Variants in OSBP2 observed in about 807,000 individuals in gnomAD.
OSBP2 encodes the protein oxysterol-binding protein 2.
Under a neutral mutation model 96.0 loss-of-function variants are expected in OSBP2, and 66 were observed. That is an observed-to-expected ratio of 0.69 (90% confidence interval 0.56 to 0.84). The LOEUF (loss-of-function observed/expected upper bound fraction) is 0.84, where lower values mean the gene tolerates loss of function less well. Ranked by LOEUF, OSBP2 falls within the 40% of genes least tolerant of loss-of-function variation. OSBP2 has a pLI of 0.00. For missense variants in OSBP2, 1,038 were observed against 1,222.7 expected, an observed-to-expected ratio of 0.85 and a Z score of 2.25; for synonymous variants, 525 against 520.9, an observed-to-expected ratio of 1.01 and a Z score of -0.11.
At chr22:30,766,482 C>G (rs567793750) in intron 2 of OSBP2, among the ~76,000 whole-genome samples, 2 of 152,334 alleles carry the variant, frequency 1.3e-5, no homozygotes, top group South Asian at 2.1e-4. Flanking sequence ...CGTCTTGCCT[C>G]TGTGCTCTTG....
chr22:30,810,512 G>C (rs1487132140), intron 2 of OSBP2, among the ~76,000 whole-genome samples: 1 of 152,090 alleles, frequency 6.6e-6, no homozygotes, highest in Non-Finnish European at 1.5e-5. Flanking sequence ...GCCTCTCCTG[G>C]GCAGCCACAG....
At chr22:30,816,167 C>T (rs1315942921) in intron 2 of OSBP2, among the ~76,000 whole-genome samples, 1 of 151,878 alleles carries the variant, frequency 6.6e-6, no homozygotes, top group Non-Finnish European at 1.5e-5. Context: ...TATAAGGATA[C>T]GCCAAGGCTG....
chr22:30,885,991 AGGGGGCAGCT>A (rs2039801411), intron 3 of OSBP2, among the ~76,000 whole-genome samples: 1 of 152,240 alleles, frequency 6.6e-6, no homozygotes, highest in Non-Finnish European at 1.5e-5. Flanking sequence ...ATCCCAGCAG[AGGGGGCAGCT>A]AGATGGCCCC....
intron 1 of OSBP2, among the ~76,000 whole-genome samples, chr22:30,733,258 G>A (rs557085888): frequency 7.2e-5 from 11 of 152,298 alleles, no homozygotes; most frequent in South Asian, 2.1e-4. Context: ...AAAGCAAGGG[G>A]AGGATGCAAA....
chr22:30,902,197 A>T, intron 12 of OSBP2: 1 of 1,092,438 alleles, frequency 9.2e-7, no homozygotes, highest in Non-Finnish European at 1.3e-6. Context: ...TCCCGTAGCC[A>T]GAAGGAGTCG....
At chr22:30,782,494 T>G (rs992352289) in intron 2 of OSBP2, among the ~76,000 whole-genome samples, 1 of 152,216 alleles carries the variant, frequency 6.6e-6, no homozygotes, top group African/African-American at 2.4e-5. Context: ...GGCTGCATTT[T>G]CTAGGATTTC....
chr22:30,802,612 G>A (rs1436388685), intron 2 of OSBP2, among the ~76,000 whole-genome samples: 2 of 152,244 alleles, frequency 1.3e-5, no homozygotes, highest in Non-Finnish European at 2.9e-5. Flanking sequence ...TCCGCTGCCC[G>A]CCTGCGTCCC....
chr22:30,845,873 T>A (rs1184956461), intron 2 of OSBP2, among the ~76,000 whole-genome samples: 1 of 109,716 alleles, frequency 9.1e-6, no homozygotes, highest in Non-Finnish European at 1.7e-5. Flanking sequence ...AGAGTGAGAC[T>A]CTCTCAAAAA....
At chr22:30,805,916 A>G (rs2090922656) in intron 2 of OSBP2, among the ~76,000 whole-genome samples, 1 of 152,224 alleles carries the variant, frequency 6.6e-6, no homozygotes, top group Admixed American at 6.5e-5. Flanking sequence ...GTTTTGTGGC[A>G]AGGGAGGTTT....
chr22:30,828,253 C>T (rs902604157), intron 2 of OSBP2, among the ~76,000 whole-genome samples: 4 of 152,232 alleles, frequency 2.6e-5, no homozygotes, highest in East Asian at 1.9e-4. Context: ...TTGTCTTTTC[C>T]GTTAGGCAGA....
intron 2 of OSBP2, among the ~76,000 whole-genome samples, chr22:30,774,432 G>A (rs955749803): frequency 2.0e-5 from 3 of 152,198 alleles, no homozygotes; most frequent in African/African-American, 7.2e-5. Flanking sequence ...TAAGTGCCCA[G>A]GCCTCAAGCT....
intron 2 of OSBP2, among the ~76,000 whole-genome samples, chr22:30,855,132 C>G (rs2039055255): frequency 6.6e-6 from 1 of 152,194 alleles, no homozygotes; most frequent in Non-Finnish European, 1.5e-5. Flanking sequence ...GGGACACAGC[C>G]AAACCATATG....
chr22:30,747,564 T>G (rs907377048), intron 2 of OSBP2, among the ~76,000 whole-genome samples: 1 of 152,208 alleles, frequency 6.6e-6, no homozygotes, highest in Non-Finnish European at 1.5e-5. Flanking sequence ...TAAAATTATC[T>G]TAAGTGGCTT....
chr22:30,874,223 T>C (rs943268690), intron 3 of OSBP2, among the ~76,000 whole-genome samples: 1 of 148,924 alleles, frequency 6.7e-6, no homozygotes, highest in Admixed American at 6.7e-5. Flanking sequence ...AACGACAGAG[T>C]GAGACTCTGT....
At chr22:30,829,003 G>C (rs115970215) in intron 2 of OSBP2, among the ~76,000 whole-genome samples, 2,423 of 152,248 alleles carry the variant, frequency 0.016, 57 homozygotes, top group African/African-American at 0.053. Context: ...AGCCCTGTGC[G>C]CTTGTGGCTG....
At chr22:30,847,202 T>C (rs1402929673) in intron 2 of OSBP2, among the ~76,000 whole-genome samples, 2 of 152,110 alleles carry the variant, frequency 1.3e-5, no homozygotes, top group Non-Finnish European at 2.9e-5. Flanking sequence ...GGTCTCAAAC[T>C]CCTGAACTCA....
chr22:30,815,574 T>C (rs949463561), intron 2 of OSBP2, among the ~76,000 whole-genome samples: 1 of 152,180 alleles, frequency 6.6e-6, no homozygotes, highest in Non-Finnish European at 1.5e-5. Flanking sequence ...GTAATCTCAC[T>C]CCCTCACAAA....
chr22:30,885,433 C>G (rs529698856), intron 3 of OSBP2, among the ~76,000 whole-genome samples: 15 of 152,324 alleles, frequency 9.8e-5, no homozygotes, highest in African/African-American at 3.6e-4. Context: ...ATGACCAACC[C>G]CTGCTTCAAA....
At chr22:30,725,556 AC>A (rs2089634660) in intron 1 of OSBP2, among the ~76,000 whole-genome samples, 1 of 147,204 alleles carries the variant, frequency 6.8e-6, no homozygotes, top group Admixed American at 6.8e-5. Flanking sequence ...AAAAAAAAAA[AC>A]ACACAAAAAA....
Sources: allele counts gnomAD v4.1 joint callset (sites outside exome capture counted in the v4.1 genomes callset), GRCh38; gene constraint gnomAD v4.1.1; transcripts MANE v1.5; gene names NCBI Gene and HGNC (gene_info 2026-07-23, HGNC 2026-07-21).